The following KIF6 variants were observed in gnomAD, a reference collection of about 807,000 sequenced individuals.
KIF6 encodes kinesin family member 6.
A neutral mutation model predicts 112.7 loss-of-function variants in KIF6; 106 were observed. The observed-to-expected ratio is 0.94, with a 90% CI of 0.80 to 1.11. The LOEUF (loss-of-function observed/expected upper bound fraction) is 1.11. Among genes scored for constraint, KIF6 ranks in the 50% least tolerant of loss-of-function variants. KIF6 has a pLI of 0.00. For missense variants in KIF6, 929 were observed against 964.0 expected, an observed-to-expected ratio of 0.96 and a Z score of 0.48; for synonymous variants, 339 against 339.9, an observed-to-expected ratio of 1.00 and a Z score of 0.03.
At chr6:39,667,489 A>T (rs1582405311) in intron 3 of KIF6, among the ~76,000 whole-genome samples, 1 of 152,152 alleles carries the variant, frequency 6.6e-6, no homozygotes, top group Non-Finnish European at 1.5e-5. Flanking sequence ...TCGGACTCAT[A>T]CACTAATCTC....
rs773578320 is a variant in KIF6, at chr6:39,343,333, G to A, written c.2428+376C>T. The A allele has an allele frequency of 8.8e-5, 114 of 1,298,650 alleles. No homozygotes were observed. The highest frequency in any genetic ancestry group is 7.8e-5 in the Non-Finnish European group (78 of 994,956). The allele number at this position is 1,298,650 out of a possible 1,614,324, so 80.4% of individuals were successfully genotyped here. A position where few individuals can be genotyped will look rare whatever the true frequency, so the allele number is the denominator to read the frequency against. On this transcript the variant is annotated intron_variant, in intron 22 of 22. Coordinates refer to ENST00000287152, the MANE Select transcript of KIF6 (RefSeq NM_145027.6). This position sits in a 1 kb window ranked among gnomAD's most constrained non-coding sequence, Gnocchi z 4.1. ...TAGGGGAGTGAGACTTTAAGCCAGG[G>A]GTTCAACGAGTTACCAAAACATCAC...
rs373262947 is a variant in KIF6 at position 39,495,107 on chromosome 6, T to C, written c.1645+44896A>G. On this transcript the variant is annotated intron_variant, in intron 13 of 22. Coordinates refer to ENST00000287152, the MANE Select transcript of KIF6 (RefSeq NM_145027.6). ...ACAACATTTCCTGCAGATGAGATAG[T>C]TGCATTCCCAAAGAGCCACAAAATG... Among the ~76,000 whole-genome samples the C allele has an allele frequency of 1.2e-4, 19 of 152,320 alleles. 1 individual carries two copies. In the South Asian group the frequency reaches 3.7e-3, roughly 30 times the overall value.
chr6:39,525,902 C>G (rs980192911), intron 13 of KIF6, among the ~76,000 whole-genome samples: 1 of 152,086 alleles, frequency 6.6e-6, no homozygotes, highest in Non-Finnish European at 1.5e-5. Flanking sequence ...TGTGATTCCC[C>G]CTACAACTAG....
At chr6:39,595,064 G>GCCCA (rs1782175349) in intron 7 of KIF6, among the ~76,000 whole-genome samples, 1 of 152,042 alleles carries the variant, frequency 6.6e-6, no homozygotes, top group African/African-American at 2.4e-5. Context: ...GCACATACTG[G>GCCCA]GGTAGATTGT....
chr6:39,352,606 C>CTTTT (rs34771617), intron 19 of KIF6, among the ~76,000 whole-genome samples: 2 of 140,818 alleles, frequency 1.4e-5, no homozygotes, highest in Non-Finnish European at 1.5e-5. Flanking sequence ...CCTGATAGCT[C>CTTTT]TTTTTTTTTT....
intron 15 of KIF6, among the ~76,000 whole-genome samples, chr6:39,392,404 G>C (rs1207084695): frequency 6.6e-6 from 1 of 152,206 alleles, no homozygotes; most frequent in African/African-American, 2.4e-5. Context: ...GGTCTCAGCA[G>C]ATTTGCATAA....
At chr6:39,540,728 G>A (rs974984945) in intron 12 of KIF6, among the ~76,000 whole-genome samples, 7 of 152,246 alleles carry the variant, frequency 4.6e-5, no homozygotes, top group Admixed American at 4.6e-4. Context: ...CAAAGGTTCA[G>A]CCAGAGCACC....
intron 7 of KIF6, among the ~76,000 whole-genome samples, chr6:39,592,917 T>C (rs1782033759): frequency 6.6e-6 from 1 of 152,236 alleles, no homozygotes; most frequent in African/African-American, 2.4e-5. Context: ...GTGGAACCAA[T>C]GTAGGCTAAT....
rs1228978271 is a variant in KIF6, at chr6:39,586,357, T to G, written c.894A>C (p.Arg298Ser). The G allele has an allele frequency of 6.2e-7, 1 of 1,614,052 alleles. No individual in the cohort carries two copies. Among genetic ancestry groups the G allele is most frequent in the Non-Finnish European group, 8.5e-7 (1 of 1,179,994 alleles). The change falls in exon 8 of 23, where the codon AGA becomes AGC. Residue 298 changes from arginine to serine, a missense_variant. Around this residue, in one of 2 missense-constraint regions of KIF6, gnomAD observed 688 missense variants for 662.7 expected, o/e 1.04. Coordinates refer to ENST00000287152, the MANE Select transcript of KIF6 (RefSeq NM_145027.6). ...SEKHRSHIPY[R>S]NSMMTSVLRD... The stretch of plus-strand genomic sequence containing the variant: ...TTAGGACACTGGTCATCATGGAGTT[T>G]CTATAAGGAATGTGCGAACGGTGCT...
chr6:39,435,762 G>T (rs1771481009), intron 13 of KIF6, among the ~76,000 whole-genome samples: 1 of 152,100 alleles, frequency 6.6e-6, no homozygotes, highest in Non-Finnish European at 1.5e-5. Context: ...CCATTCATCA[G>T]TTCATGGACA....
chr6:39,431,144 A>G lies in KIF6; in HGVS notation c.1663T>C (p.Ser555Pro), dbSNP rs764381379. ...HKKIGMREEM[S>P]LGCQEAFEIF... Reference sequence around the variant, plus strand: ...TCAAAAGCCTCCTGGCATCCTAATGACATTTCCTCTCTCATTCCTGTTTGG... The same window carrying G: ...TCAAAAGCCTCCTGGCATCCTAATGGCATTTCCTCTCTCATTCCTGTTTGG... The change falls in exon 14 of 23, where the codon TCA (serine) becomes CCA (proline). Residue 555 changes from serine to proline, a missense_variant. This residue lies in a region of KIF6 where 688 missense variants were observed against 662.7 expected (regional missense o/e 1.04). Transcript: ENST00000287152. The G allele has an allele frequency of 1.2e-6, 2 of 1,606,740 alleles. No homozygotes were observed. The highest frequency in any genetic ancestry group is 1.7e-5 in the Admixed American group (1 of 59,962).
intron 13 of KIF6, among the ~76,000 whole-genome samples, chr6:39,462,990 T>C (rs1773569487): frequency 6.6e-6 from 1 of 152,164 alleles, no homozygotes. Flanking sequence ...AGTTCCTATA[T>C]TAACACGTCA....
At chr6:39,523,655 T>C (rs1777529376) in intron 13 of KIF6, among the ~76,000 whole-genome samples, 3 of 47,002 alleles carry the variant, frequency 6.4e-5, no homozygotes, top group African/African-American at 2.3e-4. Context: ...CATATATATA[T>C]ATATATATAT....
intron 16 of KIF6, among the ~76,000 whole-genome samples, chr6:39,375,837 T>C (rs754689361): frequency 1.3e-5 from 2 of 152,242 alleles, no homozygotes; most frequent in African/African-American, 2.4e-5. Flanking sequence ...CCCTGACCAA[T>C]ACACAGGGTG....
chr6:39,424,449 C>T (rs1269018198), intron 14 of KIF6, among the ~76,000 whole-genome samples: 1 of 152,234 alleles, frequency 6.6e-6, no homozygotes, highest in African/African-American at 2.4e-5. Flanking sequence ...TCACTCTTTT[C>T]TCTGGGGCTT....
chr6:39,695,662 T>C (rs967592715), intron 3 of KIF6, among the ~76,000 whole-genome samples: 4 of 152,108 alleles, frequency 2.6e-5, no homozygotes, highest in African/African-American at 9.7e-5. Flanking sequence ...GATGTCAAGG[T>C]TGCAGAGAAA....
intron 16 of KIF6, among the ~76,000 whole-genome samples, chr6:39,379,553 G>A (rs190618880): frequency 1.1e-4 from 16 of 152,290 alleles, no homozygotes; most frequent in African/African-American, 3.6e-4. Flanking sequence ...CCCATGAGGC[G>A]GAGGCAAAAG....
At chr6:39,423,387 A>G (rs1247117452) in intron 14 of KIF6, among the ~76,000 whole-genome samples, 1 of 151,648 alleles carries the variant, frequency 6.6e-6, no homozygotes, top group Non-Finnish European at 1.5e-5. Context: ...CCTCCTTCTC[A>G]GTCTCCTTTG....
intron 13 of KIF6, among the ~76,000 whole-genome samples, chr6:39,518,218 G>A (rs1014722667): frequency 6.6e-6 from 1 of 152,160 alleles, no homozygotes; most frequent in Admixed American, 6.5e-5. Flanking sequence ...AGAAAAGCAT[G>A]GTAAGATGAA....
Sources: allele counts gnomAD v4.1 joint callset (sites outside exome capture counted in the v4.1 genomes callset), GRCh38; gene constraint gnomAD v4.1.1; regional missense constraint gnomAD v4.1.1; non-coding constraint Gnocchi (gnomAD v3.1); transcripts MANE v1.5; gene names NCBI Gene and HGNC (gene_info 2026-07-23, HGNC 2026-07-21).